Variants in CADPS observed in about 807,000 individuals in gnomAD.
The protein encoded by CADPS is calcium-dependent secretion activator 1.
Under a neutral mutation model 167.3 loss-of-function variants are expected in CADPS, and 57 were observed. The observed-to-expected ratio is 0.34, with a 90% CI of 0.28 to 0.42. The LOEUF is 0.42. Ranked by LOEUF, CADPS falls within the 20% of genes least tolerant of loss-of-function variation. The pLI, the probability that CADPS is intolerant of heterozygous loss-of-function variation, is 1.00. For missense variants in CADPS, 1,414 were observed against 1,738.1 expected (o/e 0.81, Z 3.32); for synonymous variants, 676 against 635.3 (o/e 1.06, Z -0.96).
At chr3:62,526,704 C>T (rs1246880453) in intron 13 of CADPS, among the ~76,000 whole-genome samples, 1 of 152,236 alleles carries the variant, frequency 6.6e-6, no homozygotes, top group Admixed American at 6.5e-5. Flanking sequence ...AGCATACTCA[C>T]ATTTTCCTTT....
intron 6 of CADPS, among the ~76,000 whole-genome samples, chr3:62,631,045 G>A (rs1325550748): frequency 6.6e-6 from 1 of 151,786 alleles, no homozygotes; most frequent in Non-Finnish European, 1.5e-5. Flanking sequence ...AATAAAAGCT[G>A]AAATGAAAAG....
At chr3:62,551,695 G>A (rs951221218) in intron 10 of CADPS, among the ~76,000 whole-genome samples, 2 of 152,226 alleles carry the variant, frequency 1.3e-5, no homozygotes, top group South Asian at 2.1e-4. Flanking sequence ...ATGCACACAT[G>A]TACTCACTTC....
At chr3:62,495,163 G>C (rs2064491659) in intron 18 of CADPS, among the ~76,000 whole-genome samples, 1 of 152,108 alleles carries the variant, frequency 6.6e-6, no homozygotes, top group Non-Finnish European at 1.5e-5. Flanking sequence ...ATTGCTATTG[G>C]AGTCTGGTAG....
intron 13 of CADPS, among the ~76,000 whole-genome samples, chr3:62,527,808 G>C (rs928037103): frequency 1.3e-5 from 2 of 152,154 alleles, no homozygotes; most frequent in African/African-American, 4.8e-5. Flanking sequence ...GATCTCAGTG[G>C]AAATGGGCTC....
chr3:62,815,322 G>T (rs2094563943), intron 1 of CADPS, among the ~76,000 whole-genome samples: 1 of 151,708 alleles, frequency 6.6e-6, no homozygotes, highest in Admixed American at 6.6e-5. Flanking sequence ...ATTAGTGAGT[G>T]AAGAGGCCAG....
chr3:62,591,012 G>A (rs1313861323), intron 7 of CADPS, among the ~76,000 whole-genome samples: 2 of 151,946 alleles, frequency 1.3e-5, no homozygotes, highest in South Asian at 2.1e-4. Context: ...CTGCCACCAC[G>A]CCCGGCTAAT....
At chr3:62,695,309 T>C (rs2080059150) in intron 3 of CADPS, among the ~76,000 whole-genome samples, 1 of 152,020 alleles carries the variant, frequency 6.6e-6, no homozygotes, top group African/African-American at 2.4e-5. Flanking sequence ...ATGAAGGAAA[T>C]AAAAATATTT....
At chr3:62,451,344 A>C (rs2058018027) in intron 26 of CADPS, among the ~76,000 whole-genome samples, 2 of 152,066 alleles carry the variant, frequency 1.3e-5, no homozygotes, top group African/African-American at 4.8e-5. Context: ...ACCTGAGTTA[A>C]TCATTGTGCA....
intron 2 of CADPS, among the ~76,000 whole-genome samples, chr3:62,760,179 C>T (rs1248156162): frequency 6.6e-6 from 1 of 152,114 alleles, no homozygotes; most frequent in Admixed American, 6.6e-5. Flanking sequence ...CACCATACCA[C>T]CATGCTCATT....
intron 27 of CADPS, among the ~76,000 whole-genome samples, chr3:62,445,362 A>G (rs948400232): frequency 6.6e-6 from 1 of 152,208 alleles, no homozygotes; most frequent in Non-Finnish European, 1.5e-5. Flanking sequence ...ACCACAATTA[A>G]GTTTTTCATC....
intron 6 of CADPS, among the ~76,000 whole-genome samples, chr3:62,612,304 AAC>A (rs1397254920): frequency 6.6e-6 from 1 of 152,248 alleles, no homozygotes; most frequent in Non-Finnish European, 1.5e-5. Flanking sequence ...AATGAAATAA[AAC>A]ACATAAAGCA....
intron 1 of CADPS, among the ~76,000 whole-genome samples, chr3:62,809,569 T>C (rs1036672294): frequency 1.3e-5 from 2 of 152,204 alleles, no homozygotes; most frequent in African/African-American, 2.4e-5. Context: ...GACTGCCCAG[T>C]CTAAAGTAGC....
At chr3:62,553,279 C>T (rs771045555) in intron 10 of CADPS, among the ~76,000 whole-genome samples, 8 of 152,178 alleles carry the variant, frequency 5.3e-5, no homozygotes, top group Non-Finnish European at 2.9e-5. Context: ...ACAGCCCTCT[C>T]CACTGTGCAG....
intron 17 of CADPS, 99 bp from the exon 18 acceptor site, chr3:62,499,367 T>A: frequency 2.7e-6 from 2 of 747,028 alleles, no homozygotes; most frequent in Non-Finnish European, 4.7e-6. Flanking sequence ...AGTTATCAGT[T>A]TTTTAAAAAA....
intron 6 of CADPS, among the ~76,000 whole-genome samples, chr3:62,594,459 C>G (rs896090423): frequency 6.6e-6 from 1 of 152,146 alleles, no homozygotes; most frequent in African/African-American, 2.4e-5. Context: ...CCGCGCCCGG[C>G]CCTCATTATG....
intron 13 of CADPS, among the ~76,000 whole-genome samples, chr3:62,529,060 C>T (rs1373254486): frequency 6.6e-6 from 1 of 152,048 alleles, no homozygotes; most frequent in Non-Finnish European, 1.5e-5. Context: ...ACTCATGAGG[C>T]TGAGGCAGGA....
chr3:62,676,810 A>T (rs1336323148), intron 3 of CADPS, among the ~76,000 whole-genome samples: 2 of 152,138 alleles, frequency 1.3e-5, no homozygotes. Context: ...TGACATGTGC[A>T]GTTGTGTTGG....
intron 17 of CADPS, among the ~76,000 whole-genome samples, chr3:62,502,740 G>C (rs543046462): frequency 6.6e-6 from 1 of 152,212 alleles, no homozygotes; most frequent in Non-Finnish European, 1.5e-5. Context: ...GAAAGTTTAC[G>C]GTACTTGATT....
chr3:62,651,903 T>A (rs1272378086), intron 4 of CADPS, among the ~76,000 whole-genome samples: 2 of 151,954 alleles, frequency 1.3e-5, no homozygotes, highest in East Asian at 3.9e-4. Context: ...ACATTTTTAT[T>A]TTTTTTTGCA....
Sources: allele counts gnomAD v4.1 joint callset (sites outside exome capture counted in the v4.1 genomes callset), GRCh38; gene constraint gnomAD v4.1.1; transcripts MANE v1.5; gene names NCBI Gene and HGNC (gene_info 2026-07-23, HGNC 2026-07-21).